WWTR1: variants seen among roughly 807,000 people sequenced by gnomAD.
WWTR1 encodes WW domain containing transcription regulator 1, also known as WW domain-containing transcription regulator protein 1.
WWTR1 carries 13 observed loss-of-function variants against 40.1 expected under a neutral mutation model. That is an observed-to-expected ratio of 0.32 (90% CI 0.21 to 0.52). The LOEUF (loss-of-function observed/expected upper bound fraction) is 0.52. Among genes scored for constraint, WWTR1 ranks in the 20% least tolerant of loss-of-function variants. The pLI is 0.97. For synonymous variants in WWTR1, 230 were observed against 210.1 expected (o/e 1.09, Z -0.82); for missense variants, 436 against 523.1 (o/e 0.83, Z 1.63).
At chr3:149,626,159 C>A (rs543879324) in intron 2 of WWTR1, among the ~76,000 whole-genome samples, 3 of 152,260 alleles carry the variant, frequency 2.0e-5, no homozygotes, top group East Asian at 1.9e-4. Flanking sequence ...GTACAAGGGA[C>A]CAAGTCTTAA....
At chr3:149,539,656 TC>T (rs1735994228) in intron 4 of WWTR1, among the ~76,000 whole-genome samples, 1 of 151,920 alleles carries the variant, frequency 6.6e-6, no homozygotes, top group African/African-American at 2.4e-5. Flanking sequence ...AACCACCACT[TC>T]CCCCATCTCT....
At chr3:149,560,819 A>G (rs1737048579) in intron 3 of WWTR1, among the ~76,000 whole-genome samples, 1 of 152,226 alleles carries the variant, frequency 6.6e-6, no homozygotes, top group South Asian at 2.1e-4. Flanking sequence ...ATAACTTCCA[A>G]CGAAACTTCC....
intron 2 of WWTR1, among the ~76,000 whole-genome samples, chr3:149,580,937 A>G (rs1274399465): frequency 2.6e-5 from 4 of 152,230 alleles, no homozygotes; most frequent in Non-Finnish European, 5.9e-5. Flanking sequence ...GTAGCCATCC[A>G]GTACATTGAT....
chr3:149,587,765 A>T (rs1036273696), intron 2 of WWTR1, among the ~76,000 whole-genome samples: 4 of 152,240 alleles, frequency 2.6e-5, no homozygotes, highest in African/African-American at 9.6e-5. Flanking sequence ...AATTGTAAAT[A>T]GTAAAATCTC....
chr3:149,583,110 C>T (rs867330188), intron 2 of WWTR1, among the ~76,000 whole-genome samples: 2 of 152,118 alleles, frequency 1.3e-5, no homozygotes, highest in Non-Finnish European at 2.9e-5. Flanking sequence ...GGATTATAGG[C>T]GTGTGCCACC....
At chr3:149,626,763 C>G (rs1325115556) in intron 2 of WWTR1, among the ~76,000 whole-genome samples, 1 of 152,110 alleles carries the variant, frequency 6.6e-6, no homozygotes, top group Non-Finnish European at 1.5e-5. Context: ...GAAATACACA[C>G]AGCATAAAGG....
At chr3:149,580,316 CA>C (rs913288768) in intron 2 of WWTR1, among the ~76,000 whole-genome samples, 1 of 152,178 alleles carries the variant, frequency 6.6e-6, no homozygotes, top group Non-Finnish European at 1.5e-5. Flanking sequence ...AGAACAAAGA[CA>C]GGGGTGGTAT....
chr3:149,575,100 A>C lies in WWTR1; in HGVS notation c.432-2100T>G, dbSNP rs540207190. 1.7e-4 allele frequency among the ~76,000 whole-genome samples: 26 copies of C among 151,804 alleles called. No individual in the cohort carries two copies. The South Asian group carries it at 1.9e-3, about 11-fold the overall frequency. On this transcript the variant is annotated intron_variant, in intron 2 of 6. Transcript: ENST00000360632. ...CAGAGTGAGACTCCATCCCCCCCAA[A>C]AAAAAAAGATGGGGAAATACTGAAG...
chr3:149,679,694 T>C (rs1714391346), intron 1 of WWTR1, among the ~76,000 whole-genome samples: 1 of 151,004 alleles, frequency 6.6e-6, no homozygotes. Flanking sequence ...AACCAGGCCT[T>C]AATTCCTGAG....
chr3:149,705,283 G>T (rs1477514243), upstream of WWTR1, among the ~76,000 whole-genome samples: 1 of 152,170 alleles, frequency 6.6e-6, no homozygotes, highest in African/African-American at 2.4e-5. Context: ...GATGTGAGCT[G>T]CCAGATTGAT....
intron 2 of WWTR1, among the ~76,000 whole-genome samples, chr3:149,601,710 ATTT>A (rs3976504): frequency 6.6e-6 from 1 of 150,662 alleles, no homozygotes; most frequent in African/African-American, 2.4e-5. Context: ...GAAAAAAATT[ATTT>A]TTTTTTTTTA....
chr3:149,622,478 G>A (rs1433879568), intron 2 of WWTR1, among the ~76,000 whole-genome samples: 25 of 115,596 alleles, frequency 2.2e-4, no homozygotes, highest in African/African-American at 7.5e-4. Context: ...AGGAAGGAAG[G>A]AAGGAAGGAA....
chr3:149,569,678 A>G (rs1737528325), intron 3 of WWTR1, among the ~76,000 whole-genome samples: 1 of 152,270 alleles, frequency 6.6e-6, no homozygotes, highest in Non-Finnish European at 1.5e-5. Context: ...TAGTAATGCT[A>G]TTAACTGTAT....
intron 3 of WWTR1, among the ~76,000 whole-genome samples, chr3:149,549,381 A>G (rs1002096519): frequency 3.9e-5 from 6 of 152,260 alleles, no homozygotes; most frequent in East Asian, 1.9e-4. Flanking sequence ...CCAAAAACCT[A>G]TAACTCCAGT....
chr3:149,659,227 A>G (rs547139692), upstream of WWTR1, among the ~76,000 whole-genome samples: 1 of 152,184 alleles, frequency 6.6e-6, no homozygotes, highest in Non-Finnish European at 1.5e-5. Context: ...AAGTAAATCA[A>G]ACGAGACAAT....
intron 5 of WWTR1, among the ~76,000 whole-genome samples, chr3:149,527,273 G>A (rs1021686080): frequency 6.6e-6 from 1 of 151,302 alleles, no homozygotes; most frequent in Admixed American, 6.6e-5. Flanking sequence ...TCAGCCTCCC[G>A]AGTAGCTGGG....
At chr3:149,635,244 C>A (rs900363651) in intron 2 of WWTR1, among the ~76,000 whole-genome samples, 1 of 152,080 alleles carries the variant, frequency 6.6e-6, no homozygotes, top group Non-Finnish European at 1.5e-5. Flanking sequence ...CTTGTTTGAT[C>A]TCATATCTTT....
chr3:149,715,404 C>T (rs754316676), intron 5 of WWTR1, among the ~76,000 whole-genome samples: 7 of 152,200 alleles, frequency 4.6e-5, no homozygotes, highest in Admixed American at 1.3e-4. Context: ...GTGCCTGGTC[C>T]AGCATAGCCT....
chr3:149,691,172 G>GT (rs1341545714), intron 1 of WWTR1, among the ~76,000 whole-genome samples: 1 of 151,790 alleles, frequency 6.6e-6, no homozygotes, highest in Non-Finnish European at 1.5e-5. Flanking sequence ...AAAAGCAGTA[G>GT]TAAGAGGAAA....
Sources: allele counts gnomAD v4.1 joint callset (sites outside exome capture counted in the v4.1 genomes callset), GRCh38; gene constraint gnomAD v4.1.1; transcripts MANE v1.5; gene names NCBI Gene and HGNC (gene_info 2026-07-23, HGNC 2026-07-21).